Variants in ZNF423 observed in about 807,000 individuals in gnomAD.
ZNF423 encodes Ebf-associated zinc finger protein.
In ZNF423, 12 loss-of-function variants were observed where a neutral mutation model predicts 95.8. That is an observed-to-expected ratio of 0.13 (90% confidence interval 0.08 to 0.20). ZNF423 has a LOEUF of 0.20. ZNF423 is among the 10% of genes least tolerant of loss of function. The pLI, the probability that ZNF423 is intolerant of heterozygous loss-of-function variation, is 1.00. For synonymous variants in ZNF423, 749 were observed against 711.9 expected, an observed-to-expected ratio of 1.05 and a Z score of -0.83; for missense variants, 1,316 against 1,737.1, an observed-to-expected ratio of 0.76 and a Z score of 4.31.
At chr16:49,784,591 A>C (rs1319054501) in intron 2 of ZNF423, among the ~76,000 whole-genome samples, 1 of 152,222 alleles carries the variant, frequency 6.6e-6, no homozygotes, top group East Asian at 1.9e-4. Flanking sequence ...GAAGCTAGTC[A>C]ATGGAGATTA....
At chr16:49,774,692 C>G (rs1396951686) in intron 2 of ZNF423, among the ~76,000 whole-genome samples, 1 of 152,130 alleles carries the variant, frequency 6.6e-6, no homozygotes, top group Non-Finnish European at 1.5e-5. Flanking sequence ...TGAAGACCCC[C>G]AGGCCTATCG....
chr16:49,547,350 T>C (rs7189293), intron 5 of ZNF423, among the ~76,000 whole-genome samples: 41,355 of 152,030 alleles, frequency 0.27, 6,481 homozygotes, highest in African/African-American at 0.44. Context: ...GGGGCCACGA[T>C]GCGTGATCCT....
intron 7 of ZNF423, among the ~76,000 whole-genome samples, chr16:49,512,932 C>T (rs1368317536): frequency 6.6e-6 from 1 of 151,924 alleles, no homozygotes; most frequent in African/African-American, 2.4e-5. Flanking sequence ...CCCTGTCTCT[C>T]CTAAAAATAC....
At chr16:49,697,404 C>T (rs1159198890) in intron 3 of ZNF423, among the ~76,000 whole-genome samples, 1 of 152,072 alleles carries the variant, frequency 6.6e-6, no homozygotes, top group Non-Finnish European at 1.5e-5. Flanking sequence ...AGGGCTCACT[C>T]CAAAATGCTA....
chr16:49,607,070 T>A (rs1437785707), intron 5 of ZNF423, among the ~76,000 whole-genome samples: 1 of 31,630 alleles, frequency 3.2e-5, no homozygotes, highest in Non-Finnish European at 5.4e-5. Flanking sequence ...ATGTTTTGGA[T>A]TTTTTTTTTT....
chr16:49,507,189 T>C (rs1002818653), intron 7 of ZNF423, among the ~76,000 whole-genome samples: 2 of 152,186 alleles, frequency 1.3e-5, no homozygotes, highest in African/African-American at 4.8e-5. Flanking sequence ...AGATAACATA[T>C]GTAAAAGGTT....
At chr16:49,727,397 G>T (rs1365338764) in intron 3 of ZNF423, among the ~76,000 whole-genome samples, 3 of 152,042 alleles carry the variant, frequency 2.0e-5, no homozygotes, top group African/African-American at 4.8e-5. Flanking sequence ...CCCCTGAGGG[G>T]TAAGCATCCC....
chr16:49,744,445 G>A (rs1053740310), intron 2 of ZNF423, among the ~76,000 whole-genome samples: 2 of 150,376 alleles, frequency 1.3e-5, no homozygotes, highest in African/African-American at 4.9e-5. Flanking sequence ...TCCCCAGGCC[G>A]AGCACACACA....
chr16:49,672,304 C>A (rs2030848934), intron 3 of ZNF423, among the ~76,000 whole-genome samples: 1 of 152,182 alleles, frequency 6.6e-6, no homozygotes, highest in South Asian at 2.1e-4. Context: ...GATTCTGGAC[C>A]TCCACTGCCT....
chr16:49,573,693 T>C (rs1363105588), intron 5 of ZNF423, among the ~76,000 whole-genome samples: 2 of 152,228 alleles, frequency 1.3e-5, no homozygotes, highest in Non-Finnish European at 2.9e-5. Flanking sequence ...ATTTTGGGAT[T>C]AAATCTCCAA....
chr16:49,548,159 A>T (rs1377797759), intron 5 of ZNF423, among the ~76,000 whole-genome samples: 5 of 152,158 alleles, frequency 3.3e-5, no homozygotes, highest in African/African-American at 1.2e-4. Flanking sequence ...GACCTCACCC[A>T]GTGGGTCCTC....
At chr16:49,787,537 C>A (rs2034335396) in intron 2 of ZNF423, among the ~76,000 whole-genome samples, 1 of 152,188 alleles carries the variant, frequency 6.6e-6, no homozygotes, top group Non-Finnish European at 1.5e-5. Flanking sequence ...AATCCCACAG[C>A]TCCCACTACT....
Position 49,721,969 on chromosome 16 carries a change from A to G in ZNF423, c.301+8802T>C, listed in dbSNP as rs921142841. ...ACAGTGTGATAACAGCATTCGCTCT[A>G]TGTAATCAAGTCAAGGGAGGGATGC... On this transcript the variant is annotated intron_variant, in intron 3 of 7. Coordinates refer to ENST00000563137, the MANE Select transcript of ZNF423 (RefSeq NM_001379286.1). 3.3e-5 allele frequency among the ~76,000 whole-genome samples: 5 copies of G among 152,148 alleles called. No individual in the cohort carries two copies. The South Asian group carries it at 6.2e-4, about 19-fold the overall frequency.
At chr16:49,543,491 T>TG (rs1969326885) in intron 5 of ZNF423, among the ~76,000 whole-genome samples, 1 of 152,226 alleles carries the variant, frequency 6.6e-6, no homozygotes, top group African/African-American at 2.4e-5. Context: ...CGGAGTCCTC[T>TG]GCGGGAGCGG....
chr16:49,851,680 C>T (rs944047669), intron 1 of ZNF423, among the ~76,000 whole-genome samples: 5 of 152,216 alleles, frequency 3.3e-5, no homozygotes, highest in Non-Finnish European at 7.3e-5. Flanking sequence ...GCATTTTGCA[C>T]CTTTCATTAT....
At chr16:49,732,951 T>C (rs1037362692) in intron 2 of ZNF423, among the ~76,000 whole-genome samples, 1 of 152,214 alleles carries the variant, frequency 6.6e-6, no homozygotes, top group Non-Finnish European at 1.5e-5. Flanking sequence ...ATCTCTCTTC[T>C]TACCAATTAA....
At chr16:49,537,616 C>T (rs1418108246) in intron 5 of ZNF423, among the ~76,000 whole-genome samples, 1 of 152,180 alleles carries the variant, frequency 6.6e-6, no homozygotes, top group African/African-American at 2.4e-5. Context: ...GCTGAAAAGT[C>T]ACCCAAGATA....
chr16:49,612,530 T>C (rs1458677628), intron 5 of ZNF423, among the ~76,000 whole-genome samples: 1 of 152,004 alleles, frequency 6.6e-6, no homozygotes, highest in Non-Finnish European at 1.5e-5. Flanking sequence ...TTCCTCAACT[T>C]GATAAGGAGT....
chr16:49,534,257 T>C (rs2883919), intron 5 of ZNF423, among the ~76,000 whole-genome samples: 1 of 109,286 alleles, frequency 9.2e-6, no homozygotes, highest in African/African-American at 3.6e-5. Flanking sequence ...TGTTTTTTTT[T>C]TTTTGTTTGC....
Sources: allele counts gnomAD v4.1 joint callset (sites outside exome capture counted in the v4.1 genomes callset), GRCh38; gene constraint gnomAD v4.1.1; transcripts MANE v1.5; gene names NCBI Gene and HGNC (gene_info 2026-07-23, HGNC 2026-07-21).